Variants in CEP128 observed in about 807,000 individuals in gnomAD.
CEP128 encodes the protein centrosomal protein 128.
Under a neutral mutation model 156.7 loss-of-function variants are expected in CEP128, and 132 were observed. The ratio of observed to expected loss-of-function variants is 0.84; its 90% CI spans 0.73 to 0.97. CEP128 has a LOEUF of 0.97. CEP128 is among the 50% of genes least tolerant of loss of function. CEP128 has a pLI of 0.00. For missense variants in CEP128, 1,252 were observed against 1,281.9 expected, an observed-to-expected ratio of 0.98 and a Z score of 0.36; for synonymous variants, 469 against 448.9, an observed-to-expected ratio of 1.04 and a Z score of -0.57.
At position 80,893,075 on chromosome 14, in the gene CEP128, A is replaced by T. The variant is rs189637059; in HGVS notation, c.645+2643T>A. Among the ~76,000 whole-genome samples, 41 of 152,112 alleles carry T rather than the reference A, an allele frequency of 2.7e-4. No individual in the cohort carries two copies. The East Asian group carries it at 7.7e-3, about 29-fold the overall frequency. ...AATAGCCAAGATATGGAAACAACCTAAGTGTCTGTTGATAGACAAATGAAT... is the reference window on the plus strand; with the variant it reads ...AATAGCCAAGATATGGAAACAACCTTAGTGTCTGTTGATAGACAAATGAAT... On this transcript the variant is annotated intron_variant, in intron 8 of 24. Coordinates refer to ENST00000555265, the MANE Select transcript of CEP128 (RefSeq NM_152446.5).
chr14:80,766,652 C>T (rs1319630126), intron 16 of CEP128, among the ~76,000 whole-genome samples: 1 of 152,006 alleles, frequency 6.6e-6, no homozygotes, highest in African/African-American at 2.4e-5. Flanking sequence ...CATCAAACAC[C>T]TTAAACAGAA....
At chr14:80,697,718 G>A (rs1896936037) in intron 19 of CEP128, among the ~76,000 whole-genome samples, 1 of 151,994 alleles carries the variant, frequency 6.6e-6, no homozygotes, top group African/African-American at 2.4e-5. Flanking sequence ...GTGAAGATAT[G>A]TTAAATCAGA....
chr14:80,685,673 C>A (rs1456312520), intron 19 of CEP128, among the ~76,000 whole-genome samples: 1 of 152,068 alleles, frequency 6.6e-6, no homozygotes, highest in African/African-American at 2.4e-5. Flanking sequence ...GCAAAAAGAA[C>A]AAAGCTGGAG....
intron 21 of CEP128, among the ~76,000 whole-genome samples, chr14:80,538,030 C>T (rs934940145): frequency 2.0e-5 from 3 of 152,158 alleles, no homozygotes; most frequent in Non-Finnish European, 4.4e-5. Flanking sequence ...GCCCACAGAA[C>T]AATACATTCA....
intron 13 of CEP128, among the ~76,000 whole-genome samples, chr14:80,799,608 G>GGAATAT (rs888941870): frequency 1.3e-5 from 2 of 152,104 alleles, no homozygotes; most frequent in Non-Finnish European, 2.9e-5. Context: ...TTCCTAGCAA[G>GGAATAT]GAATATTAAT....
chr14:80,733,075 G>A (rs578211268), intron 19 of CEP128, among the ~76,000 whole-genome samples: 20 of 152,244 alleles, frequency 1.3e-4, no homozygotes, highest in African/African-American at 4.8e-4. Flanking sequence ...TCCACAATAT[G>A]AGTGGGCCTC....
chr14:80,506,170 C>T (rs1436689467), intron 23 of CEP128, among the ~76,000 whole-genome samples: 1 of 151,722 alleles, frequency 6.6e-6, no homozygotes, highest in Non-Finnish European at 1.5e-5. Context: ...GGAGAAGGAT[C>T]AGGGAGGGCA....
intron 14 of CEP128, among the ~76,000 whole-genome samples, chr14:80,792,006 A>G (rs1353652643): frequency 2.0e-5 from 3 of 152,244 alleles, no homozygotes; most frequent in Non-Finnish European, 4.4e-5. Context: ...AAGAATAAAC[A>G]TGGATAAAAA....
chr14:80,709,507 T>C (rs559000184), intron 19 of CEP128, among the ~76,000 whole-genome samples: 1 of 152,374 alleles, frequency 6.6e-6, no homozygotes, highest in South Asian at 2.1e-4. Flanking sequence ...AGCATTTTGC[T>C]GGATATTCTT....
intron 13 of CEP128, among the ~76,000 whole-genome samples, chr14:80,804,839 A>G (rs1884082000): frequency 6.6e-6 from 1 of 152,150 alleles, no homozygotes; most frequent in African/African-American, 2.4e-5. Context: ...TATATTGCAT[A>G]TAACATTACT....
intron 16 of CEP128, among the ~76,000 whole-genome samples, chr14:80,772,147 C>T (rs1900543636): frequency 6.6e-6 from 1 of 152,144 alleles, no homozygotes; most frequent in South Asian, 2.1e-4. Flanking sequence ...GGCTGGAAAC[C>T]ATGGCCCTAA....
At chr14:80,519,861 T>C (rs181549142) in intron 23 of CEP128, among the ~76,000 whole-genome samples, 120 of 152,288 alleles carry the variant, frequency 7.9e-4, no homozygotes, top group Non-Finnish European at 5.7e-4. Context: ...TAAATGGTCA[T>C]ATGATGATCA....
chr14:80,505,366 T>C (rs981880230), intron 23 of CEP128, among the ~76,000 whole-genome samples: 1 of 152,230 alleles, frequency 6.6e-6, no homozygotes, highest in African/African-American at 2.4e-5. Flanking sequence ...TCTTATACTA[T>C]CTAGTGGATA....
intron 19 of CEP128, among the ~76,000 whole-genome samples, chr14:80,673,849 CAATT>C (rs1895956875): frequency 6.6e-6 from 1 of 151,260 alleles, no homozygotes; most frequent in Non-Finnish European, 1.5e-5. Context: ...AAAGTCCCAA[CAATT>C]AATTAATTCA....
chr14:80,762,429 G>T (rs1900018871), intron 16 of CEP128, among the ~76,000 whole-genome samples: 1 of 151,858 alleles, frequency 6.6e-6, no homozygotes, highest in Non-Finnish European at 1.5e-5. Flanking sequence ...ATCTTCAACT[G>T]GCCTGCTAAA....
chr14:80,658,684 T>C (rs1465894861), intron 19 of CEP128, among the ~76,000 whole-genome samples: 1 of 152,210 alleles, frequency 6.6e-6, no homozygotes, highest in Non-Finnish European at 1.5e-5. Flanking sequence ...CCTAAAAGTT[T>C]ATAACAGGTA....
intron 19 of CEP128, among the ~76,000 whole-genome samples, chr14:80,667,701 A>G (rs1490056433): frequency 6.6e-6 from 1 of 151,970 alleles, no homozygotes; most frequent in African/African-American, 2.4e-5. Context: ...TACTAAAAAT[A>G]CAAAAAATTA....
chr14:80,749,149 G>A (rs1281304617), intron 18 of CEP128, among the ~76,000 whole-genome samples: 3 of 151,986 alleles, frequency 2.0e-5, no homozygotes, highest in African/African-American at 7.3e-5. Context: ...GAAACACTGC[G>A]TTTGTTTTGA....
chr14:80,755,375 T>C (rs1301261029), intron 18 of CEP128, among the ~76,000 whole-genome samples: 1 of 152,230 alleles, frequency 6.6e-6, no homozygotes, highest in Non-Finnish European at 1.5e-5. Context: ...CCCTGACTAA[T>C]ACAGACCATC....
Sources: allele counts gnomAD v4.1 joint callset (sites outside exome capture counted in the v4.1 genomes callset), GRCh38; gene constraint gnomAD v4.1.1; transcripts MANE v1.5; gene names NCBI Gene and HGNC (gene_info 2026-07-23, HGNC 2026-07-21).